VAV3: variants seen among roughly 807,000 people sequenced by gnomAD.
VAV3 encodes the protein vav guanine nucleotide exchange factor 3, also known as guanine nucleotide exchange factor VAV3.
In VAV3, 94 loss-of-function variants were observed where a neutral mutation model predicts 131.2. That is an observed-to-expected ratio of 0.72 (90% CI 0.61 to 0.85). The LOEUF (loss-of-function observed/expected upper bound fraction) is 0.85, where lower values mean the gene tolerates loss of function less well. Among genes scored for constraint, VAV3 ranks in the 40% least tolerant of loss-of-function variants. The probability of loss-of-function intolerance (pLI) is 0.00; values close to 1 mark genes in which losing one functional copy is unlikely to be tolerated. For missense variants in VAV3, 939 were observed against 1,002.7 expected, an observed-to-expected ratio of 0.94 and a Z score of 0.86; for synonymous variants, 349 against 342.0, an observed-to-expected ratio of 1.02 and a Z score of -0.22.
intron 6 of VAV3, among the ~76,000 whole-genome samples, chr1:107,769,487 G>T (rs1664918784): frequency 6.6e-6 from 1 of 152,086 alleles, no homozygotes; most frequent in African/African-American, 2.4e-5. Flanking sequence ...ACCTCTAAAT[G>T]TGAGAGTCTG....
At chr1:107,722,868 A>C (rs942486592) in intron 15 of VAV3, among the ~76,000 whole-genome samples, 1 of 98,768 alleles carries the variant, frequency 1.0e-5, no homozygotes, top group Non-Finnish European at 2.0e-5. Context: ...ACGCTTACTA[A>C]GTAGTTCTAA....
At chr1:107,706,370 C>A (rs937159856) in intron 15 of VAV3, among the ~76,000 whole-genome samples, 1 of 152,154 alleles carries the variant, frequency 6.6e-6, no homozygotes, top group Non-Finnish European at 1.5e-5. Flanking sequence ...GGCAGTGATG[C>A]AGAAGTGTCA....
intron 1 of VAV3, among the ~76,000 whole-genome samples, chr1:107,950,442 C>T (rs1322557314): frequency 6.6e-6 from 1 of 152,148 alleles, no homozygotes; most frequent in Admixed American, 6.5e-5. Flanking sequence ...TGGTACTAAG[C>T]GAGAGTTAGG....
chr1:107,691,383 C>G (rs1570761239), intron 17 of VAV3, among the ~76,000 whole-genome samples: 1 of 152,260 alleles, frequency 6.6e-6, no homozygotes, highest in East Asian at 1.9e-4. Context: ...CCTGAAACTA[C>G]TATGGTGGGC....
At chr1:107,840,027 C>T (rs1668629087) in intron 2 of VAV3, among the ~76,000 whole-genome samples, 1 of 152,104 alleles carries the variant, frequency 6.6e-6, no homozygotes. Flanking sequence ...TAATTAATAA[C>T]CTTCCAAAAG....
intron 1 of VAV3, among the ~76,000 whole-genome samples, chr1:107,877,003 A>G (rs928566477): frequency 1.3e-5 from 2 of 152,014 alleles, no homozygotes; most frequent in Non-Finnish European, 2.9e-5. Context: ...AATACATTTG[A>G]AACATTTGGA....
chr1:107,953,211 G>A (rs1020129178), intron 1 of VAV3, among the ~76,000 whole-genome samples: 1 of 152,116 alleles, frequency 6.6e-6, no homozygotes, highest in African/African-American at 2.4e-5. Flanking sequence ...CCTTTAGCCA[G>A]GGCACATATC....
At chr1:107,670,017 T>A (rs78068305) in intron 19 of VAV3, among the ~76,000 whole-genome samples, 1 of 152,238 alleles carries the variant, frequency 6.6e-6, no homozygotes, top group African/African-American at 2.4e-5. Context: ...GGTTCAGTTT[T>A]CTATCTTGAT....
At chr1:107,893,724 A>G (rs900469932) in intron 1 of VAV3, among the ~76,000 whole-genome samples, 1 of 152,204 alleles carries the variant, frequency 6.6e-6, no homozygotes, top group Non-Finnish European at 1.5e-5. Flanking sequence ...TGGGAATTCA[A>G]GATGAGATTT....
At chr1:107,868,001 G>A (rs896382861) in intron 2 of VAV3, among the ~76,000 whole-genome samples, 28 of 152,258 alleles carry the variant, frequency 1.8e-4, no homozygotes, top group Non-Finnish European at 1.5e-5. Context: ...ACTTGTGTGG[G>A]TAGTATGGGG....
Position 107,766,222 on chromosome 1 carries a change from C to A in VAV3, c.821+225G>T, listed in dbSNP as rs999046706. Reference sequence around the variant, plus strand: ...ATTTGCGATGCAAAAAAATAAGCACCATACTGGGTCCTTCCCCCTCCTCCT... The same window carrying A: ...ATTTGCGATGCAAAAAAATAAGCACAATACTGGGTCCTTCCCCCTCCTCCT... On this transcript the variant is annotated intron_variant, in intron 8 of 26. Transcript: ENST00000370056. 2.0e-5 allele frequency among the ~76,000 whole-genome samples: 3 copies of A among 152,072 alleles called. No individual in the cohort carries two copies. In the South Asian group the frequency reaches 6.2e-4, roughly 32 times the overall value.
chr1:107,895,223 C>T (rs1422475587), intron 1 of VAV3, among the ~76,000 whole-genome samples: 5 of 152,128 alleles, frequency 3.3e-5, no homozygotes, highest in African/African-American at 9.7e-5. Context: ...GAGAAGGAAT[C>T]GGACTCTCAC....
chr1:107,575,643 GA>G (rs1649594842), intron 25 of VAV3, among the ~76,000 whole-genome samples: 1 of 152,042 alleles, frequency 6.6e-6, no homozygotes, highest in Non-Finnish European at 1.5e-5. Flanking sequence ...CCCTATGATG[GA>G]AAAACCCAAT....
intron 21 of VAV3, among the ~76,000 whole-genome samples, chr1:107,612,858 C>T (rs1413354145): frequency 1.3e-5 from 2 of 152,112 alleles, no homozygotes; most frequent in East Asian, 3.9e-4. Context: ...GCCAGAAATA[C>T]CATAAGGTTT....
At chr1:107,680,323 C>T (rs1658514355) in intron 19 of VAV3, among the ~76,000 whole-genome samples, 1 of 151,812 alleles carries the variant, frequency 6.6e-6, no homozygotes, top group African/African-American at 2.4e-5. Flanking sequence ...GGAATAACAA[C>T]AAATCTGAAA....
At chr1:107,598,304 C>T (rs906228510) in intron 24 of VAV3, among the ~76,000 whole-genome samples, 4 of 151,988 alleles carry the variant, frequency 2.6e-5, no homozygotes, top group African/African-American at 4.8e-5. Flanking sequence ...TGCAGTGAGC[C>T]GAGACTTTGC....
intron 19 of VAV3, among the ~76,000 whole-genome samples, chr1:107,676,201 C>G (rs999555473): frequency 1.1e-4 from 16 of 152,184 alleles, no homozygotes; most frequent in South Asian, 2.1e-4. Context: ...CAAGCTAGTT[C>G]AATCCCACTT....
chr1:107,926,235 C>G (rs535332808), intron 1 of VAV3, among the ~76,000 whole-genome samples: 1 of 151,922 alleles, frequency 6.6e-6, no homozygotes, highest in African/African-American at 2.4e-5. Context: ...GAGCCAAGAT[C>G]GTGCCACTGC....
At chr1:107,744,318 T>C (rs916675279) in intron 15 of VAV3, among the ~76,000 whole-genome samples, 1 of 152,256 alleles carries the variant, frequency 6.6e-6, no homozygotes, top group African/African-American at 2.4e-5. Context: ...TGCCAGGCAC[T>C]TATTACACAG....
Sources: allele counts gnomAD v4.1 joint callset (sites outside exome capture counted in the v4.1 genomes callset), GRCh38; gene constraint gnomAD v4.1.1; transcripts MANE v1.5; gene names NCBI Gene and HGNC (gene_info 2026-07-23, HGNC 2026-07-21).